The following QTMAN variants were observed in gnomAD, a reference collection of about 807,000 sequenced individuals.
QTMAN encodes tRNA-queuosine alpha-mannosyltransferase.
At chr2:144,186,104 G>A in the QTMAN span, among the ~76,000 whole-genome samples, 1 of 152,154 alleles carries the variant, frequency 6.6e-6, no homozygotes, top group African/African-American at 2.4e-5. Flanking sequence ...CCAGGACAAT[G>A]CCCAGAAGAG....
At chr2:144,252,812 T>C in the QTMAN span, among the ~76,000 whole-genome samples, 1 of 152,188 alleles carries the variant, frequency 6.6e-6, no homozygotes, top group East Asian at 1.9e-4. Flanking sequence ...TTATATCAGT[T>C]TTACTCAGAA....
At chr2:144,223,770 G>C in the QTMAN span, among the ~76,000 whole-genome samples, 1 of 152,064 alleles carries the variant, frequency 6.6e-6, no homozygotes, top group Admixed American at 6.5e-5. Flanking sequence ...CATATAAAAC[G>C]ATTTTTAAAA....
chr2:144,077,955 C>A, the QTMAN span, among the ~76,000 whole-genome samples: 1 of 152,032 alleles, frequency 6.6e-6, no homozygotes. Context: ...AAATGAGGAT[C>A]TAAAAAATTT....
At chr2:144,154,847 G>A in the QTMAN span, among the ~76,000 whole-genome samples, 1 of 152,082 alleles carries the variant, frequency 6.6e-6, no homozygotes, top group Non-Finnish European at 1.5e-5. Flanking sequence ...AGTTCCATTA[G>A]GACAGGTCCT....
chr2:144,094,142 A>G, the QTMAN span, among the ~76,000 whole-genome samples: 2 of 152,246 alleles, frequency 1.3e-5, no homozygotes, highest in Non-Finnish European at 2.9e-5. Context: ...TGCGCATTAA[A>G]TGTCAAGATG....
chr2:144,327,067 C>G, the QTMAN span, among the ~76,000 whole-genome samples: 31 of 152,242 alleles, frequency 2.0e-4, no homozygotes, highest in South Asian at 4.1e-3. Context: ...CGCCCTGCCC[C>G]CAACCCACAG....
chr2:144,315,072 G>A, the QTMAN span, among the ~76,000 whole-genome samples: 1 of 152,030 alleles, frequency 6.6e-6, no homozygotes, highest in Non-Finnish European at 1.5e-5. Context: ...TTTTAATAGA[G>A]ATGGAGTTTC....
chr2:144,182,864 A>ATATATATATTATATATATATTT, the QTMAN span, among the ~76,000 whole-genome samples: 1 of 72,988 alleles, frequency 1.4e-5, no homozygotes, highest in Non-Finnish European at 2.4e-5. Flanking sequence ...TATATATAAT[A>ATATATATATTATATATATATTT]TATATATATT....
the QTMAN span, among the ~76,000 whole-genome samples, chr2:144,227,671 T>G: frequency 6.6e-6 from 1 of 152,180 alleles, no homozygotes; most frequent in African/African-American, 2.4e-5. Flanking sequence ...ATGCACTAAC[T>G]GTTCAAAAGA....
At chr2:144,160,352 T>C in the QTMAN span, among the ~76,000 whole-genome samples, 1 of 152,120 alleles carries the variant, frequency 6.6e-6, no homozygotes, top group African/African-American at 2.4e-5. Flanking sequence ...ATAAAAATAA[T>C]ATTATCCTTT....
the QTMAN span, chr2:143,939,997 C>T: frequency 6.6e-6 from 1 of 152,182 alleles, no homozygotes; most frequent in African/African-American, 2.4e-5. Context: ...GAGCTTAATA[C>T]TTGCCCGTAA....
the QTMAN span, among the ~76,000 whole-genome samples, chr2:144,103,082 G>A: frequency 6.6e-6 from 1 of 152,146 alleles, no homozygotes; most frequent in African/African-American, 2.4e-5. Flanking sequence ...TATATTGGAT[G>A]GTGGTGATGA....
the QTMAN span, among the ~76,000 whole-genome samples, chr2:144,283,729 C>A: frequency 6.6e-6 from 1 of 151,882 alleles, no homozygotes; most frequent in African/African-American, 2.4e-5. Flanking sequence ...AAGTGTATAT[C>A]CACTTTAAAT....
chr2:144,046,422 T>C, the QTMAN span, among the ~76,000 whole-genome samples: 1 of 152,222 alleles, frequency 6.6e-6, no homozygotes, highest in Non-Finnish European at 1.5e-5. Flanking sequence ...CTTTGTTCTG[T>C]CATACAGACC....
the QTMAN span, among the ~76,000 whole-genome samples, chr2:144,009,315 T>C: frequency 1.3e-5 from 2 of 151,984 alleles, no homozygotes; most frequent in Admixed American, 1.3e-4. Flanking sequence ...GAGGTGGAGA[T>C]AGGCTTTCAG....
At chr2:144,165,746 A>G in the QTMAN span, among the ~76,000 whole-genome samples, 2 of 152,228 alleles carry the variant, frequency 1.3e-5, no homozygotes, top group South Asian at 2.1e-4. Context: ...AGGCACAACC[A>G]CTTACCAAAC....
chr2:143,945,530 T>C, the QTMAN span: 1 of 152,306 alleles, frequency 6.6e-6, no homozygotes, highest in African/African-American at 2.4e-5. Context: ...CCAAGGGCTT[T>C]GTCTGGCTCC....
At chr2:144,105,453 G>A in the QTMAN span, among the ~76,000 whole-genome samples, 3 of 152,216 alleles carry the variant, frequency 2.0e-5, no homozygotes, top group Non-Finnish European at 4.4e-5. Context: ...ACTACGTGAT[G>A]AATGCACACG....
At chr2:144,115,733 T>C in the QTMAN span, among the ~76,000 whole-genome samples, 1 of 152,202 alleles carries the variant, frequency 6.6e-6, no homozygotes, top group Non-Finnish European at 1.5e-5. Context: ...ACTTTTGTCT[T>C]ATTTGTCTTC....
Sources: gnomAD v4.1 joint callset for allele counts (sites outside exome capture counted in the v4.1 genomes callset) on GRCh38, gnomAD v4.1.1 for gene constraint, MANE v1.5 for transcripts, NCBI Gene and HGNC (gene_info 2026-07-23, HGNC 2026-07-21) for gene names.